The following PTPRD variants were observed in gnomAD, a reference collection of about 807,000 sequenced individuals.
PTPRD encodes receptor-type tyrosine-protein phosphatase delta.
A neutral mutation model predicts 214.5 loss-of-function variants in PTPRD; 34 were observed. The ratio of observed to expected loss-of-function variants is 0.16; its 90% CI spans 0.12 to 0.21. PTPRD has a LOEUF of 0.21. PTPRD is among the 10% of genes least tolerant of loss of function. PTPRD has a pLI of 1.00. For missense variants in PTPRD, 2,545 were observed against 2,398.7 expected, an observed-to-expected ratio of 1.06 and a Z score of -1.27; for synonymous variants, 1,128 against 845.7, an observed-to-expected ratio of 1.33 and a Z score of -5.79.
intron 2 of PTPRD, among the ~76,000 whole-genome samples, chr9:10,566,016 G>C (rs2065489439): frequency 6.6e-6 from 1 of 151,720 alleles, no homozygotes; most frequent in African/African-American, 2.4e-5. Flanking sequence ...CTATTTTTGA[G>C]TTTTATGTTA....
chr9:9,211,109 G>C (rs140050068), intron 9 of PTPRD, among the ~76,000 whole-genome samples: 3 of 151,818 alleles, frequency 2.0e-5, no homozygotes, highest in African/African-American at 4.8e-5. Context: ...GTTTGTGTTG[G>C]AGTACATTCT....
chr9:8,431,408 A>G (rs2095045271), intron 35 of PTPRD, among the ~76,000 whole-genome samples: 1 of 152,134 alleles, frequency 6.6e-6, no homozygotes, highest in African/African-American at 2.4e-5. Flanking sequence ...TTTAGATGAT[A>G]GTTCTTAATG....
chr9:10,040,474 G>T (rs114647338), intron 3 of PTPRD, among the ~76,000 whole-genome samples: 1 of 152,028 alleles, frequency 6.6e-6, no homozygotes, highest in Non-Finnish European at 1.5e-5. Context: ...ACTACCCTGA[G>T]TGTGGGATGC....
chr9:8,380,688 T>C (rs1333573999), intron 37 of PTPRD, among the ~76,000 whole-genome samples: 2 of 152,188 alleles, frequency 1.3e-5, no homozygotes, highest in Non-Finnish European at 2.9e-5. Context: ...AAATTTATTT[T>C]TAAAACTCTT....
At chr9:9,452,564 T>A (rs1179259592) in intron 8 of PTPRD, among the ~76,000 whole-genome samples, 2 of 151,218 alleles carry the variant, frequency 1.3e-5, no homozygotes, top group African/African-American at 2.4e-5. Context: ...GCTTAACTTA[T>A]GAGAAAGAGA....
intron 11 of PTPRD, among the ~76,000 whole-genome samples, chr9:8,771,064 C>T (rs1408170217): frequency 2.6e-5 from 4 of 151,694 alleles, no homozygotes; most frequent in Admixed American, 6.6e-5. Context: ...ACCTGTAGTC[C>T]CAGCTACTTG....
At chr9:10,592,066 A>G (rs1338035846) in intron 2 of PTPRD, among the ~76,000 whole-genome samples, 1 of 152,094 alleles carries the variant, frequency 6.6e-6, no homozygotes, top group Non-Finnish European at 1.5e-5. Context: ...ACAGATAAAT[A>G]ACAGAAGGCC....
At chr9:9,022,056 G>C (rs1308816811) in intron 10 of PTPRD, among the ~76,000 whole-genome samples, 1 of 151,824 alleles carries the variant, frequency 6.6e-6, no homozygotes, top group Non-Finnish European at 1.5e-5. Context: ...CCGGTTCATA[G>C]GTGCAGCAGA....
chr9:8,512,250 C>A (rs2097697491), intron 21 of PTPRD, among the ~76,000 whole-genome samples: 1 of 151,960 alleles, frequency 6.6e-6, no homozygotes, highest in South Asian at 2.1e-4. Flanking sequence ...AACAAAGAGT[C>A]TGATGTGTAA....
At chr9:8,500,377 A>G (rs2097368639) in intron 24 of PTPRD, among the ~76,000 whole-genome samples, 1 of 151,922 alleles carries the variant, frequency 6.6e-6, no homozygotes, top group South Asian at 2.1e-4. Flanking sequence ...AAAGGCAACA[A>G]AAAGGTAAGA....
intron 9 of PTPRD, among the ~76,000 whole-genome samples, chr9:9,218,205 A>G (rs2133219347): frequency 6.6e-6 from 1 of 152,170 alleles, no homozygotes; most frequent in East Asian, 1.9e-4. Context: ...TTCTCCTCAC[A>G]ATGTCAAACT....
intron 8 of PTPRD, among the ~76,000 whole-genome samples, chr9:9,448,215 A>G (rs533429134): frequency 6.6e-6 from 1 of 152,060 alleles, no homozygotes; most frequent in East Asian, 1.9e-4. Context: ...TTATACACTT[A>G]GTCAAAAAGC....
intron 3 of PTPRD, among the ~76,000 whole-genome samples, chr9:10,197,966 C>G (rs2099404492): frequency 6.6e-6 from 1 of 151,972 alleles, no homozygotes; most frequent in African/African-American, 2.4e-5. Context: ...GCCATGCTTC[C>G]TACTTGAAAA....
intron 37 of PTPRD, among the ~76,000 whole-genome samples, chr9:8,377,902 T>A (rs1189544878): frequency 6.6e-6 from 1 of 152,102 alleles, no homozygotes; most frequent in African/African-American, 2.4e-5. Context: ...GAGATAGCAT[T>A]TGCTCCTCTG....
At chr9:9,977,777 G>T (rs1230173947) in intron 4 of PTPRD, among the ~76,000 whole-genome samples, 1 of 152,064 alleles carries the variant, frequency 6.6e-6, no homozygotes. Context: ...GGAATTTAGG[G>T]TTTATTTGAT....
chr9:9,491,332 T>A (rs929090635), intron 8 of PTPRD, among the ~76,000 whole-genome samples: 1 of 151,944 alleles, frequency 6.6e-6, no homozygotes, highest in African/African-American at 2.4e-5. Flanking sequence ...GAAGAAATAG[T>A]TCTACGATAA....
At chr9:8,450,505 G>C (rs1186774148) in intron 33 of PTPRD, among the ~76,000 whole-genome samples, 1 of 152,170 alleles carries the variant, frequency 6.6e-6, no homozygotes, top group Non-Finnish European at 1.5e-5. Flanking sequence ...GTTAATGAAA[G>C]GTTCACAGAA....
At chr9:8,713,967 T>G in intron 12 of PTPRD, 1 of 614,740 alleles carries the variant, frequency 1.6e-6, no homozygotes, top group Non-Finnish European at 2.9e-6. Flanking sequence ...AGGCCTGACC[T>G]TGGTACACAG....
At chr9:10,610,081 C>T (rs193132677) in intron 2 of PTPRD, among the ~76,000 whole-genome samples, 70 of 152,170 alleles carry the variant, frequency 4.6e-4, no homozygotes, top group Admixed American at 4.1e-3. Context: ...CATAATAAAA[C>T]ACATTACTGC....
Sources: allele counts gnomAD v4.1 joint callset (sites outside exome capture counted in the v4.1 genomes callset), GRCh38; gene constraint gnomAD v4.1.1; transcripts MANE v1.5; gene names NCBI Gene and HGNC (gene_info 2026-07-23, HGNC 2026-07-21).